Variants in TAFA1 observed in about 807,000 individuals in gnomAD.
TAFA1 encodes the protein chemokine-like protein TAFA-1.
In TAFA1, 4 loss-of-function variants were observed where a neutral mutation model predicts 18.5. That is an observed-to-expected ratio of 0.22 (90% confidence interval 0.11 to 0.49). The LOEUF is 0.49. Ranked by LOEUF, TAFA1 falls within the 20% of genes least tolerant of loss-of-function variation. The pLI, the probability that TAFA1 is intolerant of heterozygous loss-of-function variation, is 0.98. For missense variants in TAFA1, 147 were observed against 169.0 expected, an observed-to-expected ratio of 0.87 and a Z score of 0.72; for synonymous variants, 56 against 55.2, an observed-to-expected ratio of 1.01 and a Z score of -0.06.
intron 2 of TAFA1, among the ~76,000 whole-genome samples, chr3:68,382,619 G>A (rs1280569997): frequency 2.6e-5 from 4 of 151,906 alleles, no homozygotes; most frequent in Non-Finnish European, 4.4e-5. Context: ...TTGCAGCCCT[G>A]TATTATAGTT....
intron 2 of TAFA1, among the ~76,000 whole-genome samples, chr3:68,345,719 T>C (rs1028232860): frequency 5.9e-5 from 9 of 151,996 alleles, no homozygotes; most frequent in South Asian, 4.1e-4. Context: ...AAAAGGCCTT[T>C]GCAAAAAGTG....
At chr3:68,426,822 T>C (rs2071064936) in intron 3 of TAFA1, among the ~76,000 whole-genome samples, 1 of 151,862 alleles carries the variant, frequency 6.6e-6, no homozygotes, top group African/African-American at 2.4e-5. Context: ...CTCTTGAATG[T>C]TTAATTCTCT....
the TAFA1 span, among the ~76,000 whole-genome samples, chr3:67,996,810 G>GA: frequency 6.0e-5 from 9 of 149,476 alleles, no homozygotes; most frequent in East Asian, 1.2e-3. Flanking sequence ...ACAAAAATAA[G>GA]AAAAAAAAAA....
At chr3:68,181,700 C>T (rs2066202850) in intron 2 of TAFA1, among the ~76,000 whole-genome samples, 1 of 152,106 alleles carries the variant, frequency 6.6e-6, no homozygotes, top group Non-Finnish European at 1.5e-5. Flanking sequence ...AAGACAAGTT[C>T]CCAGAATACT....
At chr3:68,167,400 AC>A (rs1435294330) in intron 2 of TAFA1, among the ~76,000 whole-genome samples, 3 of 151,462 alleles carry the variant, frequency 2.0e-5, no homozygotes, top group Admixed American at 6.6e-5. Context: ...ACATGGTGAA[AC>A]CCCCGTCTCT....
chr3:68,307,084 T>C (rs2068436124), intron 2 of TAFA1, among the ~76,000 whole-genome samples: 1 of 152,186 alleles, frequency 6.6e-6, no homozygotes, highest in African/African-American at 2.4e-5. Flanking sequence ...TGAATAATGA[T>C]AGTATTGTTG....
intron 2 of TAFA1, among the ~76,000 whole-genome samples, chr3:68,050,632 C>T (rs752325674): frequency 3.9e-5 from 6 of 152,254 alleles, no homozygotes; most frequent in South Asian, 4.1e-4. Context: ...GTAAGAGCCT[C>T]GATCCCAGAT....
At chr3:68,516,268 T>A (rs778568169) in intron 3 of TAFA1, among the ~76,000 whole-genome samples, 2 of 152,172 alleles carry the variant, frequency 1.3e-5, no homozygotes, top group Non-Finnish European at 2.9e-5. Flanking sequence ...TTGCTTAATA[T>A]TTTTTCCTGA....
At chr3:68,526,631 A>G (rs1424016783) in intron 3 of TAFA1, among the ~76,000 whole-genome samples, 1 of 152,176 alleles carries the variant, frequency 6.6e-6, no homozygotes, top group African/African-American at 2.4e-5. Flanking sequence ...TAGCAATTCC[A>G]GCAAAAACTA....
At chr3:68,542,883 G>A (rs1428089925) in intron 4 of TAFA1, among the ~76,000 whole-genome samples, 1 of 152,068 alleles carries the variant, frequency 6.6e-6, no homozygotes, top group Non-Finnish European at 1.5e-5. Context: ...TTATTTTTAC[G>A]ACAGAGGACG....
chr3:68,497,565 C>T (rs976362843), intron 3 of TAFA1, among the ~76,000 whole-genome samples: 3 of 151,984 alleles, frequency 2.0e-5, no homozygotes, highest in African/African-American at 2.4e-5. Flanking sequence ...GAAGAATCAG[C>T]CTGAGCAAAT....
At chr3:68,297,315 C>A (rs938934788) in intron 2 of TAFA1, among the ~76,000 whole-genome samples, 5 of 152,114 alleles carry the variant, frequency 3.3e-5, no homozygotes, top group Non-Finnish European at 7.4e-5. Flanking sequence ...CATCACTAGC[C>A]TATCTTTAAT....
chr3:68,085,266 A>G (rs116515477), intron 2 of TAFA1, among the ~76,000 whole-genome samples: 2,378 of 152,344 alleles, frequency 0.016, 29 homozygotes, highest in Middle Eastern at 0.024. Context: ...GAGACATTCA[A>G]TTAAAGAAAG....
intron 3 of TAFA1, among the ~76,000 whole-genome samples, chr3:68,462,936 T>C (rs571974191): frequency 2.0e-5 from 3 of 152,296 alleles, no homozygotes; most frequent in African/African-American, 7.2e-5. Flanking sequence ...AATTCCAAAA[T>C]TGGAAAGTAG....
At chr3:68,377,322 A>C (rs1207403223) in intron 2 of TAFA1, among the ~76,000 whole-genome samples, 1 of 152,184 alleles carries the variant, frequency 6.6e-6, no homozygotes, top group Non-Finnish European at 1.5e-5. Flanking sequence ...AAATGCTGAT[A>C]CTGATGTGGA....
intron 2 of TAFA1, among the ~76,000 whole-genome samples, chr3:68,141,101 T>C (rs1425466876): frequency 6.6e-6 from 1 of 152,162 alleles, no homozygotes; most frequent in Non-Finnish European, 1.5e-5. Flanking sequence ...CCTAAGCTAG[T>C]CTCCCCTTCT....
chr3:68,231,922 CT>C, intron 2 of TAFA1, among the ~76,000 whole-genome samples: 1 of 151,994 alleles, frequency 6.6e-6, no homozygotes, highest in South Asian at 2.1e-4. Context: ...ACATTTTTTC[CT>C]TTTATTTTTA....
intron 2 of TAFA1, among the ~76,000 whole-genome samples, chr3:68,305,277 A>G (rs941042113): frequency 7.3e-5 from 11 of 150,592 alleles, no homozygotes; most frequent in African/African-American, 2.2e-4. Flanking sequence ...GTCATATTGG[A>G]TTACAGCTCA....
At chr3:68,466,538 G>T (rs1045819095) in intron 3 of TAFA1, among the ~76,000 whole-genome samples, 1 of 152,138 alleles carries the variant, frequency 6.6e-6, no homozygotes, top group African/African-American at 2.4e-5. Flanking sequence ...ACCCCTTGAA[G>T]TACTCGGTCC....
Sources: gnomAD v4.1 joint callset for allele counts (sites outside exome capture counted in the v4.1 genomes callset) on GRCh38, gnomAD v4.1.1 for gene constraint, MANE v1.5 for transcripts, NCBI Gene and HGNC (gene_info 2026-07-23, HGNC 2026-07-21) for gene names.